Variants in PCDHGC4 observed in about 807,000 individuals in gnomAD.
PCDHGC4 encodes the protein protocadherin gamma-C4.
Under a neutral mutation model 59.7 loss-of-function variants are expected in PCDHGC4, and 15 were observed. That is an observed-to-expected ratio of 0.25 (90% CI 0.17 to 0.39). PCDHGC4 has a LOEUF of 0.39. PCDHGC4 is among the 10% of genes least tolerant of loss of function. PCDHGC4 has a pLI of 1.00. For missense variants in PCDHGC4, 1,016 were observed against 1,189.5 expected, an observed-to-expected ratio of 0.85 and a Z score of 2.15; for synonymous variants, 434 against 481.4, an observed-to-expected ratio of 0.90 and a Z score of 1.29.
chr5:141,489,250 A>C lies in PCDHGC4; in HGVS notation c.2442+1635A>C. 1 of 1,546,554 alleles carries C rather than the reference A, an allele frequency of 6.5e-7. No individual in the cohort carries two copies. The highest frequency in any genetic ancestry group is 8.7e-7 in the Non-Finnish European group (1 of 1,146,722). On this transcript the variant is annotated intron_variant, in intron 1 of 3. Transcript: ENST00000306593. This position sits in a 1 kb window ranked among gnomAD's most constrained non-coding sequence, Gnocchi z 4.5. The stretch of plus-strand genomic sequence containing the variant: ...AAGGGACTTCTGGGTCATGGGGCCC[A>C]AGACACTCCCACAGCTCGCTGGGAA...
chr5:141,503,136 A>G (rs1352550702), intron 2 of PCDHGC4, among the ~76,000 whole-genome samples: 5 of 151,846 alleles, frequency 3.3e-5, no homozygotes, highest in Admixed American at 2.0e-4. Context: ...GTAGCCCCTG[A>G]CACAGCCCAT....
rs1267722283 is a variant in PCDHGC4 at position 141,493,105 on chromosome 5, G to A, written c.2443-1702G>A. Reference sequence around the variant, plus strand: ...GAGCTTTTATTCAAAATATATCAATGCCTAACTCTGCTCCTAGGACTGTAT... The same window carrying A: ...GAGCTTTTATTCAAAATATATCAATACCTAACTCTGCTCCTAGGACTGTAT... On this transcript the variant is annotated intron_variant, in intron 1 of 3. Coordinates refer to ENST00000306593, the MANE Select transcript of PCDHGC4 (RefSeq NM_018928.3). This position sits in a 1 kb window ranked among gnomAD's most constrained non-coding sequence, Gnocchi z 4.3. Among the ~76,000 whole-genome samples, 1 of 152,076 alleles carries A rather than the reference G, an allele frequency of 6.6e-6. No homozygotes were observed. Among genetic ancestry groups the A allele is most frequent in the Non-Finnish European group, 1.5e-5 (1 of 67,994 alleles).
chr5:141,486,617 C>A lies in PCDHGC4; in HGVS notation c.1444C>A (p.Pro482Thr). Residue 482 changes from proline to threonine, a missense_variant, in exon 1 of 4, where the codon CCA becomes ACA. Coordinates refer to ENST00000306593, the MANE Select transcript of PCDHGC4 (RefSeq NM_018928.3). The surrounding 1 kb of genome is among the most constrained non-coding windows in gnomAD (Gnocchi z 5.0). ...DLLCSLAASD[P>T]DSGLNALISY... is the part of the protein sequence containing the mutation. The stretch of plus-strand genomic sequence containing the variant: ...GCTTTGCTCCCTTGCAGCCTCTGAC[C>A]CAGACTCTGGCTTGAATGCGCTTAT... The A allele has an allele frequency of 1.2e-6, 2 of 1,613,602 alleles. No homozygotes were observed. The highest frequency in any genetic ancestry group is 2.2e-5 in the East Asian group (1 of 44,874).
At chr5:141,492,404 T>C (rs944864208) in intron 1 of PCDHGC4, among the ~76,000 whole-genome samples, 9 of 152,316 alleles carry the variant, frequency 5.9e-5, no homozygotes, top group African/African-American at 1.9e-4. Context: ...GCAGCTCCCC[T>C]CTGCCGCTCC....
chr5:141,494,882 C>T lies in PCDHGC4; in HGVS notation c.2501+17C>T, dbSNP rs771484301. On this transcript the variant is annotated intron_variant, in intron 2 of 3. Transcript: ENST00000306593. ...CACCAGCGGGTAGGTGACTGATTCT[C>T]CAGCCCACCCTCTTCTCTGCGGCAT... is the stretch of plus-strand genomic sequence containing the variant. 35 of 1,614,128 alleles carry T rather than the reference C, an allele frequency of 2.2e-5. No homozygotes were observed. The highest frequency in any genetic ancestry group is 3.3e-4 in the Middle Eastern group (2 of 6,060).
At chr5:141,509,327 G>A (rs2099876237) in intron 3 of PCDHGC4, among the ~76,000 whole-genome samples, 1 of 152,188 alleles carries the variant, frequency 6.6e-6, no homozygotes, top group African/African-American at 2.4e-5. Flanking sequence ...AAGCTCTACT[G>A]CCAGCTGGGC....
intron 2 of PCDHGC4, among the ~76,000 whole-genome samples, chr5:141,503,598 C>CAA (rs765754054): frequency 1.5e-4 from 10 of 65,698 alleles, no homozygotes; most frequent in African/African-American, 2.3e-4. Context: ...GACTCCAGCT[C>CAA]AAAAAAAAAA....
At chr5:141,502,472 A>T (rs1450967250) in intron 2 of PCDHGC4, among the ~76,000 whole-genome samples, 1 of 150,886 alleles carries the variant, frequency 6.6e-6, no homozygotes, top group Non-Finnish European at 1.5e-5. Flanking sequence ...TACTTCCCGC[A>T]GCATCACACT....
intron 2 of PCDHGC4, among the ~76,000 whole-genome samples, chr5:141,500,187 TA>T (rs56304898): frequency 0.051 from 5,679 of 110,700 alleles, 126 homozygotes; most frequent in Middle Eastern, 0.14. Flanking sequence ...TTTTTATTTT[TA>T]TTTATTTATT....
chr5:141,485,105 G>A lies in PCDHGC4; in HGVS notation c.-69G>A. On this transcript the variant is annotated 5_prime_UTR_variant, in exon 1 of 4. It adds an upstream start codon to the 5' untranslated region. Transcript: ENST00000306593. The surrounding 1 kb of genome is among the most constrained non-coding windows in gnomAD (Gnocchi z 5.7). ...AGGGAGATAGGTGTCTCCAGCTGCT[G>A]TGGCTGTTTGGGGCGGGTCGGCTTC... 8.3e-7 allele frequency: 1 copy of A among 1,205,940 alleles called. No individual in the cohort carries two copies. Among genetic ancestry groups the A allele is most frequent in the Non-Finnish European group, 1.2e-6 (1 of 827,784 alleles). The allele number at this position is 1,205,940 out of a possible 1,614,324, so 74.7% of individuals were successfully genotyped here.
chr5:141,496,342 G>A (rs1430202202), intron 2 of PCDHGC4, among the ~76,000 whole-genome samples: 1 of 152,208 alleles, frequency 6.6e-6, no homozygotes, highest in East Asian at 1.9e-4. Context: ...GAGCCTGGAG[G>A]AGTCTCAGAG....
rs2099631185 is a variant in PCDHGC4, at chr5:141,486,568, T to C, written c.1395T>C (p.Pro465=). Reference sequence around the variant, plus strand: ...AGAGGTCACATGAGGTGTTTGTTCCTGAGAACAATCGCCCAGGGGACCTGC... The same window carrying C: ...AGAGGTCACATGAGGTGTTTGTTCCCGAGAACAATCGCCCAGGGGACCTGC... ...FFQRSHEVFV[P]ENNRPGDLLC... The change falls in exon 1 of 4, where the codon CCT becomes CCC. Residue 465 remains proline, a synonymous_variant. Coordinates refer to ENST00000306593, the MANE Select transcript of PCDHGC4 (RefSeq NM_018928.3). The surrounding 1 kb of genome is among the most constrained non-coding windows in gnomAD (Gnocchi z 5.0). 1.9e-6 allele frequency: 3 copies of C among 1,613,862 alleles called. No homozygotes were observed. The South Asian group carries it at 3.3e-5, about 18-fold the overall frequency.
Position 141,489,068 on chromosome 5 carries a change from G to GC in PCDHGC4, c.2442+1456dup. ...CTCAAATTCAGCTCCCCTCCCCCCT[G>GC]CCCACCCCCGCCACTCGGTGACTAA... On this transcript the variant is annotated intron_variant, in intron 1 of 3. Transcript: ENST00000306593. The surrounding 1 kb of genome is among the most constrained non-coding windows in gnomAD (Gnocchi z 4.5). 3 of 291,558 alleles carry GC rather than the reference G, an allele frequency of 1.0e-5. No homozygotes were observed. Among genetic ancestry groups the GC allele is most frequent in the Admixed American group, 5.4e-5 (1 of 18,530 alleles). 18.1% of individuals were successfully genotyped at this position (291,558 alleles called of 1,614,324 possible).
Position 141,485,602 on chromosome 5 carries a change from G to A in PCDHGC4, c.429G>A (p.Gly143=), listed in dbSNP as rs766134158. The change falls in exon 1 of 4, where the codon GGG becomes GGA. Residue 143 remains glycine, a synonymous_variant. Transcript: ENST00000306593. The surrounding 1 kb of genome is among the most constrained non-coding windows in gnomAD (Gnocchi z 5.7). The part of the protein sequence containing the change: ...FPRQQLDLEI[G]EAAPPGQRFP... ...GGCAGCAGCTGGACTTGGAAATTGG[G>A]GAGGCAGCTCCTCCAGGACAGCGTT... is the stretch of plus-strand genomic sequence containing the variant. 2.5e-6 allele frequency: 4 copies of A among 1,612,418 alleles called. No individual in the cohort carries two copies. In the Admixed American group the frequency reaches 5.0e-5, roughly 20 times the overall value.
At chr5:141,501,298 C>CAG (rs2099807427) in intron 2 of PCDHGC4, among the ~76,000 whole-genome samples, 1 of 148,330 alleles carries the variant, frequency 6.7e-6, no homozygotes, top group Non-Finnish European at 1.5e-5. Context: ...TATACACACA[C>CAG]ACACACACAC....
In PCDHGC4 at chr5:141,495,049, T is replaced by G. The variant is rs543734863; in HGVS notation, c.2501+184T>G. ...CCCCGGAAGGAAGAGGCGACTGCCC[T>G]GACTGTTCAGGAAGCTCAATTCACA... On this transcript the variant is annotated intron_variant, in intron 2 of 3. Coordinates refer to ENST00000306593, the MANE Select transcript of PCDHGC4 (RefSeq NM_018928.3). Among the ~76,000 whole-genome samples the G allele has an allele frequency of 5.6e-4, 86 of 152,312 alleles. 1 individual carries two copies. Among genetic ancestry groups the G allele is most frequent in the African/African-American group, 1.6e-3 (65 of 41,578 alleles).
chr5:141,505,243 G>A (rs2099844728), intron 2 of PCDHGC4, 150 bp from the exon 3 acceptor site: 1 of 1,424,622 alleles, frequency 7.0e-7, no homozygotes, highest in Non-Finnish European at 9.4e-7. Flanking sequence ...CTGAAGGATT[G>A]TAGAAGTGCC....
rs147522770 is a variant in PCDHGC4, at chr5:141,504,573, C to T, written c.2502-820C>T. On this transcript the variant is annotated intron_variant, in intron 2 of 3. Coordinates refer to ENST00000306593, the MANE Select transcript of PCDHGC4 (RefSeq NM_018928.3). ...TGGGGGACTGGCATTCTAGGGAACA[C>T]CATCTGCCCAGGATTCACAGCAAGA... Among the ~76,000 whole-genome samples the T allele has an allele frequency of 5.4e-5, 8 of 148,158 alleles. No individual in the cohort carries two copies. In the East Asian group the frequency reaches 1.6e-3, roughly 30 times the overall value.
At chr5:141,498,248 G>A (rs1484987588) in intron 2 of PCDHGC4, among the ~76,000 whole-genome samples, 2 of 152,208 alleles carry the variant, frequency 1.3e-5, no homozygotes, top group Non-Finnish European at 2.9e-5. Flanking sequence ...CTTCAAAGCA[G>A]GGCTGGTGTT....
Sources: allele counts gnomAD v4.1 joint callset (sites outside exome capture counted in the v4.1 genomes callset), GRCh38; gene constraint gnomAD v4.1.1; non-coding constraint Gnocchi (gnomAD v3.1); transcripts MANE v1.5; gene names NCBI Gene and HGNC (gene_info 2026-07-23, HGNC 2026-07-21).